VPS37A: variants seen among roughly 807,000 people sequenced by gnomAD.
VPS37A encodes VPS37A subunit of ESCRT-I.
In VPS37A, 30 loss-of-function variants were observed where a neutral mutation model predicts 49.8. The observed-to-expected ratio is 0.60, with a 90% confidence interval of 0.45 to 0.82. The LOEUF (loss-of-function observed/expected upper bound fraction) is 0.82. Ranked by LOEUF, VPS37A falls within the 40% of genes least tolerant of loss-of-function variation. The pLI is 0.00. For synonymous variants in VPS37A, 195 were observed against 160.6 expected, an observed-to-expected ratio of 1.21 and a Z score of -1.62; for missense variants, 593 against 464.4, an observed-to-expected ratio of 1.28 and a Z score of -2.55.
chr8:17,314,254 G>T, the VPS37A span, among the ~76,000 whole-genome samples: 1 of 152,122 alleles, frequency 6.6e-6, no homozygotes. Flanking sequence ...ATCAACCAAT[G>T]AAATTCAATC....
At chr8:17,279,386 A>G (rs930711824) in intron 6 of VPS37A, among the ~76,000 whole-genome samples, 2 of 152,102 alleles carry the variant, frequency 1.3e-5, no homozygotes, top group African/African-American at 4.8e-5. Context: ...TCTTATCAAT[A>G]CATACAATGA....
the VPS37A span, among the ~76,000 whole-genome samples, chr8:17,317,249 C>G: frequency 6.6e-6 from 1 of 152,172 alleles, no homozygotes; most frequent in Non-Finnish European, 1.5e-5. Context: ...GCTGGCAGTG[C>G]CGTGTGCCGT....
chr8:17,283,527 A>G (rs1341165273), intron 9 of VPS37A, among the ~76,000 whole-genome samples: 1 of 152,132 alleles, frequency 6.6e-6, no homozygotes. Flanking sequence ...TCAATTTTGT[A>G]TTTAAGTAAG....
chr8:17,271,601 G>C (rs888978875), intron 4 of VPS37A, among the ~76,000 whole-genome samples: 8 of 151,190 alleles, frequency 5.3e-5, no homozygotes, highest in Admixed American at 4.6e-4. Flanking sequence ...GCAAGACTCC[G>C]TCTCAAAAAA....
At position 17,247,307 on chromosome 8, in the gene VPS37A, C is replaced by T; in HGVS notation, c.63C>T (p.Gly21=). 1 of 1,563,738 alleles carries T rather than the reference C, an allele frequency of 6.4e-7. No individual in the cohort carries two copies. Among genetic ancestry groups the T allele is most frequent in the Non-Finnish European group, 8.7e-7 (1 of 1,154,338 alleles). Residue 21 remains glycine (G), a synonymous_variant, in exon 1 of 12, where the codon GGC becomes GGT. Coordinates refer to ENST00000324849, the MANE Select transcript of VPS37A (RefSeq NM_152415.3). The part of the protein sequence containing the change: ...ASSSAAGSPG[G]LTSLQQQKQR... ...CCTCCGCGGCTGGGTCCCCCGGTGGCCTCACCAGCCTCCAGCAGCAGAAGC... is the reference window on the plus strand; with the variant it reads ...CCTCCGCGGCTGGGTCCCCCGGTGGTCTCACCAGCCTCCAGCAGCAGAAGC...
intron 9 of VPS37A, among the ~76,000 whole-genome samples, chr8:17,284,057 C>G (rs2150410280): frequency 6.6e-6 from 1 of 152,150 alleles, no homozygotes; most frequent in Non-Finnish European, 1.5e-5. Flanking sequence ...AAATTTAATC[C>G]CATCATTTTT....
chr8:17,299,842 T>C, downstream of VPS37A: 1 of 1,612,622 alleles, frequency 6.2e-7, no homozygotes, highest in East Asian at 2.2e-5. Context: ...TCCTTTACTT[T>C]GGAACTCCAA....
chr8:17,265,410 A>G (rs1254860979), intron 1 of VPS37A, among the ~76,000 whole-genome samples: 1 of 152,198 alleles, frequency 6.6e-6, no homozygotes, highest in Non-Finnish European at 1.5e-5. Context: ...CTCTACTTAG[A>G]AAAAAGGGGA....
At chr8:17,286,458 G>A (rs1815599152) in intron 11 of VPS37A, 31 bp downstream of exon 11, 1 of 1,589,996 alleles carries the variant, frequency 6.3e-7, no homozygotes, top group Non-Finnish European at 8.6e-7. Flanking sequence ...GAGTCTCAAG[G>A]TGATTGCATC....
At chr8:17,268,720 G>C (rs942771807) in intron 3 of VPS37A, 136 bp from the exon 4 acceptor site, 2 of 656,460 alleles carry the variant, frequency 3.0e-6, no homozygotes, top group African/African-American at 3.7e-5. Context: ...GCTATAACTT[G>C]TTAATTGCTA....
the VPS37A span, among the ~76,000 whole-genome samples, chr8:17,320,072 T>C: frequency 6.6e-6 from 1 of 152,184 alleles, no homozygotes; most frequent in East Asian, 1.9e-4. Context: ...ACTGATAATG[T>C]TGAAATAACA....
In VPS37A at chr8:17,256,242, G is replaced by A. The variant is rs576487651; in HGVS notation, c.125+8873G>A. On this transcript the variant is annotated intron_variant, in intron 1 of 11. Transcript: ENST00000324849. Reference sequence around the variant, plus strand: ...TGTCTCCAAATCCTTGCCAGCATTCGTTATTGCCTGGCTTTTTGATAAAAG... The same window carrying A: ...TGTCTCCAAATCCTTGCCAGCATTCATTATTGCCTGGCTTTTTGATAAAAG... Among the ~76,000 whole-genome samples the A allele has an allele frequency of 6.7e-5, 9 of 133,592 alleles. No individual in the cohort carries two copies. In the East Asian group the frequency reaches 1.3e-3, roughly 19 times the overall value. 87.6% of individuals were successfully genotyped at this position (133,592 alleles called of 152,430 possible).
downstream of VPS37A, among the ~76,000 whole-genome samples, chr8:17,306,845 C>CCATA (rs1270036200): frequency 2.8e-3 from 433 of 152,298 alleles, 3 homozygotes; most frequent in African/African-American, 0.01. Flanking sequence ...ATGTAGAAAG[C>CCATA]TGAAACTGGA....
At chr8:17,255,501 T>TGTGA (rs1418733988) in intron 1 of VPS37A, among the ~76,000 whole-genome samples, 1 of 151,926 alleles carries the variant, frequency 6.6e-6, no homozygotes, top group East Asian at 1.9e-4. Flanking sequence ...TATGTGTGTG[T>TGTGA]GTGTGTGTAT....
the VPS37A span, among the ~76,000 whole-genome samples, chr8:17,316,897 G>C: frequency 6.6e-6 from 1 of 152,066 alleles, no homozygotes; most frequent in African/African-American, 2.4e-5. Context: ...ATTCTCCTTG[G>C]ATACTGAGGG....
intron 4 of VPS37A, 134 bp from the exon 5 acceptor site, chr8:17,274,599 T>A: frequency 3.4e-6 from 2 of 582,992 alleles, no homozygotes; most frequent in Non-Finnish European, 5.8e-6. Context: ...TTATATAATT[T>A]AATAAATATC....
intron 11 of VPS37A, among the ~76,000 whole-genome samples, chr8:17,288,988 TC>T (rs1233113776): frequency 1.3e-5 from 2 of 152,236 alleles, no homozygotes; most frequent in East Asian, 1.9e-4. Context: ...GAGCTTTTTT[TC>T]ATGTTGGTTG....
chr8:17,262,845 G>A (rs903177019), intron 1 of VPS37A, among the ~76,000 whole-genome samples: 22 of 152,042 alleles, frequency 1.4e-4, no homozygotes, highest in Admixed American at 6.5e-4. Context: ...GGCAGATCAC[G>A]AGGTCAAGAG....
At chr8:17,300,001 G>A (rs1270786911), downstream of VPS37A, 1 of 1,614,106 alleles carries the variant, frequency 6.2e-7, no homozygotes. Context: ...TGACAGATCT[G>A]GATCTGAACT....
Sources: allele counts gnomAD v4.1 joint callset (sites outside exome capture counted in the v4.1 genomes callset), GRCh38; gene constraint gnomAD v4.1.1; transcripts MANE v1.5; gene names NCBI Gene and HGNC (gene_info 2026-07-23, HGNC 2026-07-21).